VCAN: variants seen among roughly 807,000 people sequenced by gnomAD.
The protein encoded by VCAN is versican, also known as versican core protein.
VCAN carries 44 observed loss-of-function variants against 245.5 expected under a neutral mutation model. That is an observed-to-expected ratio of 0.18 (90% CI 0.14 to 0.23). The LOEUF (loss-of-function observed/expected upper bound fraction) is 0.23. Among genes scored for constraint, VCAN ranks in the 10% least tolerant of loss-of-function variants. The probability of loss-of-function intolerance (pLI) is 1.00; values close to 1 mark genes in which losing one functional copy is unlikely to be tolerated. For synonymous variants in VCAN, 1,413 were observed against 1,437.0 expected, an observed-to-expected ratio of 0.98 and a Z score of 0.38; for missense variants, 3,793 against 4,057.9, an observed-to-expected ratio of 0.93 and a Z score of 1.77.
intron 12 of VCAN, among the ~76,000 whole-genome samples, chr5:83,558,565 T>A (rs893646422): frequency 3.3e-5 from 5 of 152,146 alleles, no homozygotes; most frequent in Non-Finnish European, 5.9e-5. Context: ...AAGAAACAAG[T>A]TTATATTAGG....
chr5:83,582,134 T>C lies in VCAN; in HGVS notation c.*1700T>C, dbSNP rs1057490198. ...ACTGTGTTGATCTAGTAGGTTTCTA[T>C]TTTTCCTTTCTCTTTACAATGCACA... On this transcript the variant is annotated 3_prime_UTR_variant, in exon 15 of 15. Transcript: ENST00000265077. 6.6e-6 allele frequency: 1 copy of C among 152,156 alleles called. No homozygotes were observed. Among genetic ancestry groups the C allele is most frequent in the Admixed American group, 6.6e-5 (1 of 15,266 alleles). The allele number at this position is 152,156 out of a possible 1,614,324, so 9.4% of individuals were successfully genotyped here.
intron 6 of VCAN, among the ~76,000 whole-genome samples, chr5:83,513,981 G>A (rs751854835): frequency 2.6e-5 from 4 of 151,964 alleles, no homozygotes; most frequent in Middle Eastern, 3.4e-3. Context: ...AACATTTTTC[G>A]TCTCTCTGTG....
chr5:83,567,736 T>A (rs994790415), intron 12 of VCAN, among the ~76,000 whole-genome samples: 9 of 152,226 alleles, frequency 5.9e-5, no homozygotes, highest in African/African-American at 2.2e-4. Flanking sequence ...TTGAGGTGTG[T>A]TGCATGAACT....
At chr5:83,507,661 A>G (rs1385086522) in intron 5 of VCAN, among the ~76,000 whole-genome samples, 1 of 152,118 alleles carries the variant, frequency 6.6e-6, no homozygotes. Flanking sequence ...TAGGCATTAG[A>G]TGTTATCTTT....
chr5:83,564,012 G>A (rs1266991203), intron 12 of VCAN, among the ~76,000 whole-genome samples: 3 of 152,124 alleles, frequency 2.0e-5, no homozygotes, highest in Non-Finnish European at 4.4e-5. Flanking sequence ...TACCGTAGGT[G>A]AACATTTTAG....
rs202018506 is a variant in VCAN, at chr5:83,520,309, T to C, written c.2003T>C (p.Ile668Thr). The C allele has an allele frequency of 2.0e-5, 32 of 1,613,858 alleles. No individual in the cohort carries two copies. The highest frequency in any genetic ancestry group is 1.6e-5 in the Non-Finnish European group (19 of 1,179,954). Residue 668 changes from isoleucine (I) to threonine (T), a missense_variant, in exon 7 of 15, where the codon ATT becomes ACT. Around this residue, in one of 5 missense-constraint regions of VCAN, gnomAD observed 3,182 missense variants for 3,250.3 expected, o/e 0.98. Transcript: ENST00000265077. Reference protein sequence around the residue: ...YSGDKILVEGISTVIYPSLQT... With the variant: ...YSGDKILVEGTSTVIYPSLQT... ...GGTGATAAAATATTAGTAGAGGGAA[T>C]TTCCACAGTTATTTATCCTTCTCTA...
Position 83,541,083 on chromosome 5 carries a change from C to T in VCAN, c.8080C>T (p.Pro2694Ser). Residue 2694 changes from proline (P) to serine (S), a missense_variant, in exon 8 of 15, where the codon CCA becomes TCA. Physicochemically the swap from Pro to Ser is moderately conservative, Grantham distance 74. Coordinates refer to ENST00000265077, the MANE Select transcript of VCAN (RefSeq NM_004385.5). ...DVLLPTATSL[P>S]IPRKSATVIP... Reference sequence around the variant, plus strand: ...TTTACTTCCCACGGCAACATCCCTGCCAATTCCTCGTAAGTCTGCCACAGT... The same window carrying T: ...TTTACTTCCCACGGCAACATCCCTGTCAATTCCTCGTAAGTCTGCCACAGT... The T allele has an allele frequency of 6.2e-7, 1 of 1,614,008 alleles. No homozygotes were observed. The highest frequency in any genetic ancestry group is 8.5e-7 in the Non-Finnish European group (1 of 1,179,970).
At chr5:83,493,109 G>A (rs1241113574) in intron 3 of VCAN, among the ~76,000 whole-genome samples, 1 of 152,238 alleles carries the variant, frequency 6.6e-6, no homozygotes, top group African/African-American at 2.4e-5. Flanking sequence ...TGAGACAGGT[G>A]AGTGTTTCAT....
At chr5:83,533,549 G>C (rs532679053) in intron 7 of VCAN, among the ~76,000 whole-genome samples, 1 of 152,220 alleles carries the variant, frequency 6.6e-6, no homozygotes, top group Non-Finnish European at 1.5e-5. Flanking sequence ...ATGAGCATCT[G>C]AAGAGATATT....
Position 83,537,569 on chromosome 5 carries a change from C to A in VCAN, c.4566C>A (p.Val1522=). 1 of 1,613,712 alleles carries A rather than the reference C, an allele frequency of 6.2e-7. No individual in the cohort carries two copies. The highest frequency in any genetic ancestry group is 1.1e-5 in the South Asian group (1 of 91,042). Residue 1522 remains valine (V), a synonymous_variant, in exon 8 of 15, where the codon GTC becomes GTA. Transcript: ENST00000265077. ...SGTAKKGAES[V]TERDTEVGHQ... ...CAGCCAAAAAAGGGGCAGAATCAGTCACAGAGAGAGATACTGAAGTTGGTC... is the reference window on the plus strand; with the variant it reads ...CAGCCAAAAAAGGGGCAGAATCAGTAACAGAGAGAGATACTGAAGTTGGTC...
intron 5 of VCAN, among the ~76,000 whole-genome samples, chr5:83,501,440 T>C (rs961549299): frequency 7.2e-5 from 11 of 152,154 alleles, no homozygotes; most frequent in African/African-American, 1.9e-4. Flanking sequence ...TTTAACTCTT[T>C]TGCTTTTATT....
chr5:83,475,501 T>A (rs1225515719), intron 1 of VCAN, among the ~76,000 whole-genome samples: 4 of 152,120 alleles, frequency 2.6e-5, no homozygotes, highest in Non-Finnish European at 4.4e-5. Context: ...TAAAATAGGA[T>A]GTTGTGAGTG....
Position 83,580,767 on chromosome 5 carries a change from C to T in VCAN, c.*333C>T. ...AATGCTCAATTTCAGCACCGATGGC[C>T]ATGTAAATAAGATGATTTAATGTTG... On this transcript the variant is annotated 3_prime_UTR_variant, in exon 15 of 15. Transcript: ENST00000265077. 1 of 346,742 alleles carries T rather than the reference C, an allele frequency of 2.9e-6. No homozygotes were observed. The highest frequency in any genetic ancestry group is 2.5e-5 in the South Asian group (1 of 39,930). 21.5% of individuals were successfully genotyped at this position (346,742 alleles called of 1,614,324 possible). A position where few individuals can be genotyped will look rare whatever the true frequency, so the allele number is the denominator to read the frequency against.
chr5:83,492,116 G>A (rs1371493034), intron 3 of VCAN, among the ~76,000 whole-genome samples: 3 of 152,004 alleles, frequency 2.0e-5, no homozygotes, highest in East Asian at 3.9e-4. Flanking sequence ...CTTAGTGCCC[G>A]TGCAGGTCTT....
At position 83,493,784 on chromosome 5, in the gene VCAN, C is replaced by G. The variant is rs754940648; in HGVS notation, c.621-20C>G. 6.2e-7 allele frequency: 1 copy of G among 1,614,166 alleles called. No individual in the cohort carries two copies. Among genetic ancestry groups the G allele is most frequent in the South Asian group, 1.1e-5 (1 of 91,078 alleles). ...GAGAGTGAGAAGAAAGTGCCACTAA[C>G]TAGCCATTTATTTCCCCAGATATCC... On this transcript the variant is annotated intron_variant, in intron 4 of 14. Transcript: ENST00000265077.
intron 8 of VCAN, 137 bp downstream of exon 8, chr5:83,542,405 G>T: frequency 2.1e-6 from 2 of 946,666 alleles, no homozygotes; most frequent in South Asian, 2.8e-5. Flanking sequence ...AGCAGGCCAG[G>T]CCACAGTATT....
At chr5:83,561,071 T>TA (rs1747848215) in intron 12 of VCAN, among the ~76,000 whole-genome samples, 1 of 152,172 alleles carries the variant, frequency 6.6e-6, no homozygotes, top group African/African-American at 2.4e-5. Flanking sequence ...CTAAACATTT[T>TA]AAAAAACATT....
At position 83,548,092 on chromosome 5, in the gene VCAN, C is replaced by T; in HGVS notation, c.9493+8C>T. 6.2e-7 allele frequency: 1 copy of T among 1,600,824 alleles called. No individual in the cohort carries two copies. Among genetic ancestry groups the T allele is most frequent in the Non-Finnish European group, 8.6e-7 (1 of 1,167,980 alleles). ...GTGCACTTTGTGAGCAAGGTAAGAG[C>T]TATTGCAACATTTGTATGATGAACA... On this transcript the variant is annotated splice_region_variant and intron_variant, in intron 10 of 14. Transcript: ENST00000265077.
At chr5:83,551,773 C>T (rs992259840) in intron 10 of VCAN, among the ~76,000 whole-genome samples, 2 of 151,904 alleles carry the variant, frequency 1.3e-5, no homozygotes, top group African/African-American at 2.4e-5. Flanking sequence ...GTAAACTAAC[C>T]CCCTCATATA....
Sources: gnomAD v4.1 joint callset for allele counts (sites outside exome capture counted in the v4.1 genomes callset) on GRCh38, gnomAD v4.1.1 for gene constraint, gnomAD v4.1.1 regional missense constraint, MANE v1.5 for transcripts, NCBI Gene and HGNC (gene_info 2026-07-23, HGNC 2026-07-21) for gene names.